The following SLC25A43 variants were observed in gnomAD, a reference collection of about 807,000 sequenced individuals.
SLC25A43 encodes the protein solute carrier family 25, member 43.
Under a neutral mutation model 22.8 loss-of-function variants are expected in SLC25A43, and 10 were observed. The ratio of observed to expected loss-of-function variants is 0.44; its 90% CI spans 0.27 to 0.74. The LOEUF is 0.74. SLC25A43 is among the 30% of genes least tolerant of loss of function. The pLI, the probability that SLC25A43 is intolerant of heterozygous loss-of-function variation, is 0.17. For synonymous variants in SLC25A43, 106 were observed against 121.6 expected (o/e 0.87, Z 0.84); for missense variants, 233 against 279.1 (o/e 0.83, Z 1.18).
chrX:119,424,991 G>A (rs1446003662), intron 3 of SLC25A43, among the ~76,000 whole-genome samples: 1 of 112,254 alleles, frequency 8.9e-6, no homozygotes, highest in African/African-American at 3.2e-5. Context: ...GATGAATTTT[G>A]GGAGGACACA....
chrX:119,412,679 A>T (rs974967369), intron 3 of SLC25A43, among the ~76,000 whole-genome samples: 8 of 111,748 alleles, frequency 7.2e-5, no homozygotes, highest in African/African-American at 2.6e-4. Flanking sequence ...CCCAGCCAAC[A>T]TTTGGCTTCT....
chrX:119,415,201 G>T (rs1384132577), intron 3 of SLC25A43, among the ~76,000 whole-genome samples: 3 of 109,756 alleles, frequency 2.7e-5, no homozygotes, highest in African/African-American at 9.9e-5. Flanking sequence ...GGGATTACAG[G>T]GGTGAGCCGC....
rs1178576613 is a variant in SLC25A43, at chrX:119,452,022, A to G, written c.704A>G (p.Tyr235Cys). Residue 235 changes from tyrosine (Y) to cysteine (C), a missense_variant, in exon 4 of 5, where the codon TAC becomes TGC. By Grantham distance (194) the Tyr-to-Cys change is radical. Transcript: ENST00000217909. ...GTTTCCTGTCAGGCTCAGAGCCCCT[A>G]CCTCCCACACAGTGGAGGAGTAGAT... The part of the protein sequence containing the change: ...VKRKMQAQSP[Y>C]LPHSGGVDVH... 1 of 1,209,875 alleles carries G rather than the reference A, an allele frequency of 8.3e-7. No individual in the cohort carries two copies. Among genetic ancestry groups the G allele is most frequent in the African/African-American group, 1.7e-5 (1 of 57,345 alleles).
intron 3 of SLC25A43, among the ~76,000 whole-genome samples, chrX:119,426,619 TC>T (rs2052507285): frequency 9.0e-6 from 1 of 110,547 alleles, no homozygotes; most frequent in Non-Finnish European, 1.9e-5. Flanking sequence ...GGCCAGGAGT[TC>T]CAGACCAGCC....
At chrX:119,405,530 G>A (rs1385973474) in intron 1 of SLC25A43, among the ~76,000 whole-genome samples, 3 of 102,246 alleles carry the variant, frequency 2.9e-5, no homozygotes, top group Non-Finnish European at 3.9e-5. Context: ...AGGCTGAGGC[G>A]GGCAGATCAC....
At chrX:119,416,607 C>T (rs2147266832) in intron 3 of SLC25A43, among the ~76,000 whole-genome samples, 1 of 112,490 alleles carries the variant, frequency 8.9e-6, no homozygotes, top group East Asian at 2.8e-4. Flanking sequence ...GGCATTTGTT[C>T]TTCCTGATAA....
intron 3 of SLC25A43, among the ~76,000 whole-genome samples, chrX:119,416,759 A>C (rs112688113): frequency 1.5e-4 from 17 of 112,211 alleles, no homozygotes; most frequent in Non-Finnish European, 2.4e-4. Flanking sequence ...AGCTTGAACC[A>C]GATGAAATTA....
At position 119,452,896 on chromosome X, in the gene SLC25A43, C is replaced by T. The variant is rs753597935; in HGVS notation, c.857C>T (p.Thr286Ile). The T allele has an allele frequency of 4.1e-6, 5 of 1,210,918 alleles. No individual in the cohort carries two copies. Among genetic ancestry groups the T allele is most frequent in the Non-Finnish European group, 5.6e-6 (5 of 894,854 alleles). ...CCATATTTTGGAATTATGTTTAGCA[C>T]CTTTGAGTTCTGCAAGAGAATCTGT... Reference protein sequence around the residue: ...IVPYFGIMFSTFEFCKRICLY... With the variant: ...IVPYFGIMFSIFEFCKRICLY... The change falls in exon 5 of 5, where the codon ACC becomes ATC. Residue 286 changes from threonine (T) to isoleucine (I), a missense_variant. Physicochemically the swap from Thr to Ile is moderately conservative, Grantham distance 89 (BLOSUM62 -1). Coordinates refer to ENST00000217909, the MANE Select transcript of SLC25A43 (RefSeq NM_145305.3).
At chrX:119,429,067 T>G in intron 3 of SLC25A43, among the ~76,000 whole-genome samples, 1 of 107,472 alleles carries the variant, frequency 9.3e-6, no homozygotes. Flanking sequence ...CTTACATCTT[T>G]TTTTTTTTTT....
At chrX:119,407,897 G>A (rs1273770206) in intron 2 of SLC25A43, among the ~76,000 whole-genome samples, 4 of 110,428 alleles carry the variant, frequency 3.6e-5, no homozygotes, top group African/African-American at 9.9e-5. Context: ...AAGTCCCGTC[G>A]ATTTGACTCA....
At chrX:119,435,457 CTTTTT>C (rs1175233726) in intron 3 of SLC25A43, among the ~76,000 whole-genome samples, 141 of 54,707 alleles carry the variant, frequency 2.6e-3, no homozygotes, top group African/African-American at 8.8e-3. Context: ...AGATTTTATT[CTTTTT>C]TTTTTTTTTT....
chrX:119,433,161 T>C (rs11798653), intron 3 of SLC25A43, among the ~76,000 whole-genome samples: 22,006 of 110,718 alleles, frequency 0.2, 1,661 homozygotes, highest in African/African-American at 0.24. Flanking sequence ...CAGTACACAA[T>C]TGTGGAATCT....
At chrX:119,429,922 A>G (rs1171947552) in intron 3 of SLC25A43, among the ~76,000 whole-genome samples, 1 of 112,171 alleles carries the variant, frequency 8.9e-6, no homozygotes, top group Non-Finnish European at 1.9e-5. Flanking sequence ...GGATCTGGAA[A>G]GGGTCTTCAA....
chrX:119,432,852 T>C (rs1389919582), intron 3 of SLC25A43, among the ~76,000 whole-genome samples: 2 of 107,649 alleles, frequency 1.9e-5, no homozygotes, highest in African/African-American at 6.8e-5. Context: ...GGCTCACGCC[T>C]GTAATCCCAG....
intron 3 of SLC25A43, chrX:119,434,839 T>A (rs140961989): frequency 0.014 from 1,066 of 76,980 alleles, 18 homozygotes; most frequent in African/African-American, 0.051. Context: ...AAAAAAAAAA[T>A]TTTGAGACAG....
chrX:119,453,149 G>A lies in SLC25A43; in HGVS notation c.*84G>A, dbSNP rs2052718623. The A allele has an allele frequency of 1.7e-5, 14 of 846,582 alleles. No homozygotes were observed. Among genetic ancestry groups the A allele is most frequent in the Non-Finnish European group, 2.1e-5 (12 of 581,996 alleles). The allele number at this position is 846,582 out of a possible 1,213,427, so 69.8% of individuals were successfully genotyped here. A position where few individuals can be genotyped will look rare whatever the true frequency, so the allele number is the denominator to read the frequency against. On this transcript the variant is annotated 3_prime_UTR_variant, in exon 5 of 5. Coordinates refer to ENST00000217909, the MANE Select transcript of SLC25A43 (RefSeq NM_145305.3). ...AGCCTCATAACTGTGCACCTGAGGA[G>A]GGATGAGAAGCTACTGCTATCTGCT...
chrX:119,419,501 G>A (rs1355295535), intron 3 of SLC25A43, among the ~76,000 whole-genome samples: 2 of 111,412 alleles, frequency 1.8e-5, no homozygotes, highest in African/African-American at 3.3e-5. Context: ...TCGACACCTC[G>A]GGTTACCTTT....
chrX:119,413,427 C>T (rs978811815), intron 3 of SLC25A43, among the ~76,000 whole-genome samples: 6 of 110,661 alleles, frequency 5.4e-5, no homozygotes, highest in South Asian at 3.9e-4. Flanking sequence ...ATCCTTAGGC[C>T]GGGCGCGGTG....
At chrX:119,442,046 C>T (rs779821028) in intron 3 of SLC25A43, among the ~76,000 whole-genome samples, 4 of 111,477 alleles carry the variant, frequency 3.6e-5, no homozygotes, top group East Asian at 5.6e-4. Flanking sequence ...GCCGAGATTG[C>T]GCCGCTGCAC....
Sources: gnomAD v4.1 joint callset for allele counts (sites outside exome capture counted in the v4.1 genomes callset) on GRCh38, gnomAD v4.1.1 for gene constraint, MANE v1.5 for transcripts, NCBI Gene and HGNC (gene_info 2026-07-23, HGNC 2026-07-21) for gene names.